GOT2: variants seen among roughly 807,000 people sequenced by gnomAD.
The protein encoded by GOT2 is glutamic-oxaloacetic transaminase 2, also known as aspartate aminotransferase, mitochondrial.
Under a neutral mutation model 50.0 loss-of-function variants are expected in GOT2, and 17 were observed. That is an observed-to-expected ratio of 0.34 (90% CI 0.23 to 0.51). The LOEUF (loss-of-function observed/expected upper bound fraction) is 0.51. Among genes scored for constraint, GOT2 ranks in the 20% least tolerant of loss-of-function variants. GOT2 has a pLI of 0.97. For synonymous variants in GOT2, 172 were observed against 204.9 expected (o/e 0.84, Z 1.37); for missense variants, 430 against 559.6 (o/e 0.77, Z 2.34).
chr16:58,725,406 C>T (rs528226695), intron 1 of GOT2, among the ~76,000 whole-genome samples: 5 of 152,232 alleles, frequency 3.3e-5, no homozygotes, highest in East Asian at 1.9e-4. Flanking sequence ...TGAGCCACTG[C>T]GCCTGGCCTT....
At position 58,707,936 on chromosome 16, in the gene GOT2, A is replaced by C. The variant is rs529592690; in HGVS notation, c.*235T>G. Reference sequence around the variant, plus strand: ...GTAAACTCTTTGAGAAAAGTTGGAGAAAAAAGGACCGGGGAGAGTTTGGTT... The same window carrying C: ...GTAAACTCTTTGAGAAAAGTTGGAGCAAAAAGGACCGGGGAGAGTTTGGTT... On this transcript the variant is annotated 3_prime_UTR_variant, in exon 10 of 10. Coordinates refer to ENST00000245206, the MANE Select transcript of GOT2 (RefSeq NM_002080.4). 179 of 340,462 alleles carry C rather than the reference A, an allele frequency of 5.3e-4. 1 individual carries two copies. Among genetic ancestry groups the C allele is most frequent in the African/African-American group, 3.6e-3 (170 of 47,200 alleles). The allele number at this position is 340,462 out of a possible 1,614,324, so 21.1% of individuals were successfully genotyped here.
At chr16:58,718,735 C>T (rs768233995) in intron 4 of GOT2, 47 bp from the exon 5 acceptor site, 2 of 1,451,086 alleles carry the variant, frequency 1.4e-6, no homozygotes, top group South Asian at 2.7e-5. Flanking sequence ...AAAGGAGAGG[C>T]AAAAAAATGT....
chr16:58,722,476 T>G (rs1362836014), intron 2 of GOT2, among the ~76,000 whole-genome samples, 198 bp from the exon 3 acceptor site: 8 of 151,994 alleles, frequency 5.3e-5, no homozygotes, highest in Non-Finnish European at 7.4e-5. Flanking sequence ...GTTCAAGTGA[T>G]TGTCTTGCTT....
chr16:58,718,189 T>A lies in GOT2; in HGVS notation c.702+7A>T. The A allele has an allele frequency of 6.3e-7, 1 of 1,587,506 alleles. No individual in the cohort carries two copies. Among genetic ancestry groups the A allele is most frequent in the Non-Finnish European group, 8.7e-7 (1 of 1,155,630 alleles). On this transcript the variant is annotated splice_region_variant and intron_variant, in intron 6 of 9. Coordinates refer to ENST00000245206, the MANE Select transcript of GOT2 (RefSeq NM_002080.4). Reference sequence around the variant, plus strand: ...AGAACTGTCGCCAGTGAGTTCATCGTCCTCACCTTCACCACTGTTGCTATT... The same window carrying A: ...AGAACTGTCGCCAGTGAGTTCATCGACCTCACCTTCACCACTGTTGCTATT...
At chr16:58,726,342 T>A (rs373406133) in intron 1 of GOT2, among the ~76,000 whole-genome samples, 71 of 152,022 alleles carry the variant, frequency 4.7e-4, no homozygotes, top group Non-Finnish European at 7.8e-4. Context: ...CCTGCCACCA[T>A]GCGCAGCTAA....
chr16:58,714,339 C>T (rs1395608689), intron 8 of GOT2, among the ~76,000 whole-genome samples: 3 of 152,114 alleles, frequency 2.0e-5, no homozygotes, highest in Admixed American at 6.5e-5. Flanking sequence ...TCACTTGATG[C>T]CAGGAGTTTG....
intron 3 of GOT2, among the ~76,000 whole-genome samples, chr16:58,719,841 C>T (rs1050847501): frequency 6.6e-6 from 1 of 152,158 alleles, no homozygotes; most frequent in South Asian, 2.1e-4. Context: ...AGTAGAATGA[C>T]TCTCTAAACA....
At chr16:58,719,049 C>T (rs2044718840) in intron 4 of GOT2, 147 bp downstream of exon 4, 4 of 655,490 alleles carry the variant, frequency 6.1e-6, no homozygotes, top group Non-Finnish European at 8.2e-6. Flanking sequence ...TCTTCAAAGT[C>T]CTTTCATTTT....
intron 8 of GOT2, 137 bp from the exon 9 acceptor site, chr16:58,709,704 C>T (rs936648457): frequency 3.6e-4 from 219 of 613,992 alleles, no homozygotes; most frequent in Non-Finnish European, 2.5e-4. Context: ...GACACGCTGT[C>T]ACTGGCCAGG....
chr16:58,716,376 G>T (rs1203264850), intron 7 of GOT2, 197 bp from the exon 8 acceptor site: 5 of 608,656 alleles, frequency 8.2e-6, no homozygotes, highest in Admixed American at 3.4e-5. Context: ...GTATTCAAAG[G>T]TATTTTTTAT....
rs534948391 is a variant in GOT2, at chr16:58,730,389, C to T, written c.89+3751G>A. Among the ~76,000 whole-genome samples the T allele has an allele frequency of 7.9e-4, 64 of 80,884 alleles. No individual in the cohort carries two copies. In the East Asian group the frequency reaches 0.015, roughly 20 times the overall value. 53.1% of individuals were successfully genotyped at this position (80,884 alleles called of 152,430 possible). ...CTGTTGTTCCCCTCCTAGAGGGATA[C>T]AATTTTTTTTTTTGAGACAGGGTCT... is the stretch of plus-strand genomic sequence containing the variant. On this transcript the variant is annotated intron_variant, in intron 1 of 9. Transcript: ENST00000245206.
Position 58,709,537 on chromosome 16 carries a change from G to GCGGT in GOT2, c.1046_1049dup (p.Ile351ProfsTer40), listed in dbSNP as rs1177975422. The GCGGT allele has an allele frequency of 6.2e-7, 1 of 1,612,786 alleles. No homozygotes were observed. The highest frequency in any genetic ancestry group is 1.1e-5 in the South Asian group (1 of 91,056). ...CCAGTTGAGTCCGCATGCCAATGATGCGGTCAGCCATGACTTTCACTTCTT... is the reference window on the plus strand; with the variant it reads ...CCAGTTGAGTCCGCATGCCAATGATGCGGTCGGTCAGCCATGACTTTCACTTCTT... On this transcript the variant is annotated frameshift_variant, in exon 9 of 10. Transcript: ENST00000245206. LOFTEE classifies it high-confidence loss of function.
At position 58,709,496 on chromosome 16, in the gene GOT2, T is replaced by C. The variant is rs773196755; in HGVS notation, c.1091A>G (p.Lys364Arg). Residue 364 changes from lysine to arginine, a missense_variant, in exon 9 of 10, where the codon AAG (lysine) becomes AGG (arginine). By Grantham distance (26) the Lys-to-Arg change is conservative. Coordinates refer to ENST00000245206, the MANE Select transcript of GOT2 (RefSeq NM_002080.4). Reference protein sequence around the residue: ...MRTQLVSNLKKEGSTHNWQHI... With the variant: ...MRTQLVSNLKREGSTHNWQHI... ...TTGCCAATTGTGGGTGGAACCCTCC[T>C]TCTTGAGGTTGGAGACCAGTTGAGT... 6.2e-7 allele frequency: 1 copy of C among 1,613,916 alleles called. No homozygotes were observed. Among genetic ancestry groups the C allele is most frequent in the South Asian group, 1.1e-5 (1 of 91,078 alleles).
chr16:58,729,917 A>AT (rs879572369), intron 1 of GOT2, among the ~76,000 whole-genome samples: 22 of 152,086 alleles, frequency 1.4e-4, no homozygotes, highest in South Asian at 4.1e-4. Flanking sequence ...GGGATACTCA[A>AT]TTTTTTTTTT....
rs1555509830 is a variant in GOT2, at chr16:58,734,157, C to T, written c.72G>A (p.Ala24=). The T allele has an allele frequency of 4.5e-6, 6 of 1,333,658 alleles. No homozygotes were observed. Among genetic ancestry groups the T allele is most frequent in the Middle Eastern group, 2.0e-4 (1 of 4,958 alleles). The allele number at this position is 1,333,658 out of a possible 1,614,324, so 82.6% of individuals were successfully genotyped here. The change falls in exon 1 of 10, where the codon GCG becomes GCA. Residue 24 remains alanine (A), a synonymous_variant. Coordinates refer to ENST00000245206, the MANE Select transcript of GOT2 (RefSeq NM_002080.4). ...TGGCTTACCTGGCTCTGGCAGAGGCCGCGGCGGCGAGGCCCGGGTGGAAGG... is the reference window on the plus strand; with the variant it reads ...TGGCTTACCTGGCTCTGGCAGAGGCTGCGGCGGCGAGGCCCGGGTGGAAGG... ...AAAFHPGLAA[A]ASARASSWWT...
At chr16:58,728,417 G>A (rs543329639) in intron 1 of GOT2, among the ~76,000 whole-genome samples, 1 of 152,284 alleles carries the variant, frequency 6.6e-6, no homozygotes, top group South Asian at 2.1e-4. Context: ...AATTGGCAGA[G>A]TGCCTGATGT....
At chr16:58,716,471 A>T in intron 7 of GOT2, 192 bp downstream of exon 7, 4 of 624,816 alleles carry the variant, frequency 6.4e-6, no homozygotes, top group Non-Finnish European at 8.1e-6. Context: ...AAACTTAAGG[A>T]CACCGAAGAA....
intron 1 of GOT2, among the ~76,000 whole-genome samples, chr16:58,727,933 C>G (rs1244537306): frequency 6.6e-6 from 1 of 152,026 alleles, no homozygotes; most frequent in Admixed American, 6.6e-5. Context: ...TCTCCGTGTT[C>G]ACCATGCTGA....
intron 1 of GOT2, among the ~76,000 whole-genome samples, chr16:58,725,979 G>A (rs937391410): frequency 6.6e-6 from 1 of 152,106 alleles, no homozygotes; most frequent in South Asian, 2.1e-4. Context: ...TTATTTATGT[G>A]GGGTATAACT....
Sources: allele counts gnomAD v4.1 joint callset (sites outside exome capture counted in the v4.1 genomes callset), GRCh38; gene constraint gnomAD v4.1.1; transcripts MANE v1.5; gene names NCBI Gene and HGNC (gene_info 2026-07-23, HGNC 2026-07-21).